The following RFC2 variants were observed in gnomAD, a reference collection of about 807,000 sequenced individuals.
The protein encoded by RFC2 is replication factor C subunit 2.
A neutral mutation model predicts 44.8 loss-of-function variants in RFC2; 34 were observed. The observed-to-expected ratio is 0.76, with a 90% CI of 0.58 to 1.01. The LOEUF (loss-of-function observed/expected upper bound fraction) is 1.01. Among genes scored for constraint, RFC2 ranks in the 50% least tolerant of loss-of-function variants. The pLI is 0.00. For missense variants in RFC2, 400 were observed against 453.6 expected (o/e 0.88, Z 1.07); for synonymous variants, 177 against 168.9 (o/e 1.05, Z -0.37).
In RFC2 at chr7:74,252,333, G is replaced by C. The variant is rs1787010778; in HGVS notation, c.183+96C>G. Reference sequence around the variant, plus strand: ...GAGGCAGGAGAATGGCATGAACCCGGGAGGCGGAGCTTGCAGTGAGCGGAG... The same window carrying C: ...GAGGCAGGAGAATGGCATGAACCCGCGAGGCGGAGCTTGCAGTGAGCGGAG... On this transcript the variant is annotated intron_variant, in intron 2 of 10. Transcript: ENST00000055077. The C allele has an allele frequency of 4.3e-6, 3 of 693,060 alleles. No individual in the cohort carries two copies. The South Asian group carries it at 4.5e-5, about 10-fold the overall frequency. 42.9% of individuals were successfully genotyped at this position (693,060 alleles called of 1,614,324 possible). A position where few individuals can be genotyped will look rare whatever the true frequency, so the allele number is the denominator to read the frequency against.
chr7:74,233,595 GTTTTTTTTTTTTTT>G (rs79258549), intron 10 of RFC2, among the ~76,000 whole-genome samples: 2 of 124,430 alleles, frequency 1.6e-5, no homozygotes, highest in African/African-American at 3.0e-5. Context: ...GTTGTTATTG[GTTTTTTTTTTTTTT>G]TTTTTTTTAA....
In RFC2 at chr7:74,235,589, G is replaced by T. The variant is rs782124344; in HGVS notation, c.897C>A (p.Ile299=). Residue 299 remains isoleucine (I), a synonymous_variant, in exon 10 of 11, where the codon ATC becomes ATA. Coordinates refer to ENST00000055077, the MANE Select transcript of RFC2 (RefSeq NM_181471.3). The part of the protein sequence containing the change: ...GYSPEDIIGN[I]FRVCKTFQMA... ...TTTGGAAAGTTTTACACACTCGAAA[G>T]ATGTTGCCAATGATATCTTCTGGTG... The T allele has an allele frequency of 1.9e-6, 3 of 1,613,876 alleles. No homozygotes were observed. The highest frequency in any genetic ancestry group is 8.5e-7 in the Non-Finnish European group (1 of 1,179,744).
chr7:74,232,420 A>G (rs1406284107), intron 10 of RFC2, among the ~76,000 whole-genome samples: 1 of 152,130 alleles, frequency 6.6e-6, no homozygotes, highest in East Asian at 1.9e-4. Flanking sequence ...TTTATTTCTT[A>G]AAAGGATGCT....
chr7:74,248,923 C>A, intron 4 of RFC2, 89 bp downstream of exon 4: 1 of 894,136 alleles, frequency 1.1e-6, no homozygotes, highest in Non-Finnish European at 1.9e-6. Flanking sequence ...CAAGGCTTCG[C>A]ATACAACCCA....
intron 6 of RFC2, among the ~76,000 whole-genome samples, chr7:74,240,657 AG>A (rs1803284916): frequency 1.3e-5 from 2 of 152,218 alleles, no homozygotes; most frequent in African/African-American, 4.8e-5. Flanking sequence ...ATGATCCTCC[AG>A]TAGAAACACA....
intron 2 of RFC2, among the ~76,000 whole-genome samples, chr7:74,250,630 ACTTCTCTCCATCC>A (rs1230853175): frequency 8.6e-5 from 13 of 151,226 alleles, no homozygotes; most frequent in South Asian, 2.1e-4. Context: ...AGCGTCCTTT[ACTTCTCTCCATCC>A]CTTCTCTCCA....
chr7:74,239,859 G>A, intron 7 of RFC2, 79 bp downstream of exon 7: 1 of 1,343,490 alleles, frequency 7.4e-7, no homozygotes, highest in Non-Finnish European at 1.0e-6. Context: ...TTGTGCAGCT[G>A]TCACTTCCCT....
chr7:74,234,556 A>C (rs1227889137), intron 10 of RFC2, among the ~76,000 whole-genome samples: 1 of 151,892 alleles, frequency 6.6e-6, no homozygotes, highest in Non-Finnish European at 1.5e-5. Context: ...ACAATCAGCC[A>C]CGTTGATCTA....
chr7:74,249,127 G>A lies in RFC2; in HGVS notation c.226-9C>T. 1 of 1,613,750 alleles carries A rather than the reference G, an allele frequency of 6.2e-7. No homozygotes were observed. The highest frequency in any genetic ancestry group is 8.5e-7 in the Non-Finnish European group (1 of 1,179,822). On this transcript the variant is annotated splice_polypyrimidine_tract_variant and intron_variant, in intron 3 of 10. Coordinates refer to ENST00000055077, the MANE Select transcript of RFC2 (RefSeq NM_181471.3). Reference sequence around the variant, plus strand: ...CCGGTTCCTGGAGGGCCCTGGGAATGAGATCTCCAGTAAAGACTTCAAACC... The same window carrying A: ...CCGGTTCCTGGAGGGCCCTGGGAATAAGATCTCCAGTAAAGACTTCAAACC...
chr7:74,247,225 G>C (rs1489001898), intron 4 of RFC2, among the ~76,000 whole-genome samples: 2 of 151,550 alleles, frequency 1.3e-5, no homozygotes, highest in Admixed American at 6.6e-5. Context: ...TACCACCTTT[G>C]TTATCTTGTA....
intron 3 of RFC2, 32 bp downstream of exon 3, chr7:74,249,707 G>T: frequency 6.3e-7 from 1 of 1,589,706 alleles, no homozygotes; most frequent in Non-Finnish European, 8.6e-7. Context: ...GAGACATGGA[G>T]ACACTCAACA....
intron 5 of RFC2, among the ~76,000 whole-genome samples, chr7:74,245,455 A>G (rs986314449): frequency 7.9e-5 from 12 of 151,794 alleles, no homozygotes; most frequent in African/African-American, 2.7e-4. Context: ...GCTCACACCT[A>G]TAATCCCAGC....
In RFC2 at chr7:74,254,355, G is replaced by A. The variant is rs1554721609; in HGVS notation, c.29C>T (p.Ala10Val). The change falls in exon 1 of 11, where the codon GCG becomes GTG. Residue 10 changes from alanine to valine, a missense_variant. Physicochemically the swap from Ala to Val is moderately conservative, Grantham distance 64. Transcript: ENST00000055077. MEVEAVCGG[A>V]GEVEAQDSDP... ...AGAGTCCTGGGCCTCCACCTCGCCC[G>A]CGCCACCACAGACGGCCTCCACCTC... The A allele has an allele frequency of 1.9e-6, 3 of 1,609,092 alleles. No individual in the cohort carries two copies. Among genetic ancestry groups the A allele is most frequent in the Middle Eastern group, 3.3e-4 (2 of 6,040 alleles).
intron 5 of RFC2, among the ~76,000 whole-genome samples, chr7:74,243,972 C>A (rs1554719601): frequency 1.1e-4 from 17 of 150,974 alleles, no homozygotes; most frequent in African/African-American, 4.1e-4. Context: ...TATTAATGGC[C>A]AGGCATAGTG....
At chr7:74,240,148 C>G in intron 6 of RFC2, 53 bp from the exon 7 acceptor site, 1 of 1,541,660 alleles carries the variant, frequency 6.5e-7, no homozygotes, top group South Asian at 1.2e-5. Context: ...CGGCATCATC[C>G]TGCTAGCTCT....
At position 74,238,253 on chromosome 7, in the gene RFC2, T is replaced by C. The variant is rs940773202; in HGVS notation, c.759+670A>G. ...CCACAAACCTGGTAAGAAACAGCTATAGGCTGAAAGCTTGGACAGCCCTTC... is the reference window on the plus strand; with the variant it reads ...CCACAAACCTGGTAAGAAACAGCTACAGGCTGAAAGCTTGGACAGCCCTTC... On this transcript the variant is annotated intron_variant, in intron 8 of 10. Coordinates refer to ENST00000055077, the MANE Select transcript of RFC2 (RefSeq NM_181471.3). The surrounding 1 kb of genome is among the most constrained non-coding windows in gnomAD (Gnocchi z 4.0). Among the ~76,000 whole-genome samples the C allele has an allele frequency of 6.6e-6, 1 of 152,162 alleles. No individual in the cohort carries two copies. Among genetic ancestry groups the C allele is most frequent in the Non-Finnish European group, 1.5e-5 (1 of 68,020 alleles).
chr7:74,250,794 AT>A (rs113786480), intron 2 of RFC2, among the ~76,000 whole-genome samples: 139 of 146,528 alleles, frequency 9.5e-4, no homozygotes, highest in African/African-American at 2.2e-3. Flanking sequence ...CTATTAAAAC[AT>A]TTTTTTTTTT....
At chr7:74,234,697 A>G (rs1350615833) in intron 10 of RFC2, among the ~76,000 whole-genome samples, 6 of 152,030 alleles carry the variant, frequency 3.9e-5, no homozygotes, top group Non-Finnish European at 5.9e-5. Flanking sequence ...TTCTGGATCA[A>G]TTAGGTCCCT....
rs782657878 is a variant in RFC2, at chr7:74,249,127, G to C, written c.226-9C>G. 2.5e-6 allele frequency: 4 copies of C among 1,613,632 alleles called. No individual in the cohort carries two copies. Among genetic ancestry groups the C allele is most frequent in the Non-Finnish European group, 3.4e-6 (4 of 1,179,830 alleles). The stretch of plus-strand genomic sequence containing the variant: ...CCGGTTCCTGGAGGGCCCTGGGAAT[G>C]AGATCTCCAGTAAAGACTTCAAACC... On this transcript the variant is annotated splice_polypyrimidine_tract_variant and intron_variant, in intron 3 of 10. Transcript: ENST00000055077.
Sources: allele counts gnomAD v4.1 joint callset (sites outside exome capture counted in the v4.1 genomes callset), GRCh38; gene constraint gnomAD v4.1.1; non-coding constraint Gnocchi (gnomAD v3.1); transcripts MANE v1.5; gene names NCBI Gene and HGNC (gene_info 2026-07-23, HGNC 2026-07-21).